Variants in CPLANE1 observed in about 807,000 individuals in gnomAD.
CPLANE1 encodes ciliogenesis and planar polarity effector 1.
Under a neutral mutation model 362.5 loss-of-function variants are expected in CPLANE1, and 263 were observed. That is an observed-to-expected ratio of 0.73 (90% confidence interval 0.66 to 0.80). The LOEUF (loss-of-function observed/expected upper bound fraction) is 0.80. CPLANE1 is among the 30% of genes least tolerant of loss of function. The probability of loss-of-function intolerance (pLI) is 0.00; values close to 1 mark genes in which losing one functional copy is unlikely to be tolerated. For synonymous variants in CPLANE1, 1,212 were observed against 1,302.6 expected (o/e 0.93, Z 1.50); for missense variants, 3,461 against 3,793.4 (o/e 0.91, Z 2.30).
intron 5 of CPLANE1, among the ~76,000 whole-genome samples, chr5:37,244,096 C>T (rs1218243425): frequency 6.6e-6 from 1 of 151,880 alleles, no homozygotes; most frequent in Middle Eastern, 3.2e-3. Flanking sequence ...GTGATCCACC[C>T]GCCTCAGCCT....
At chr5:37,221,096 T>C (rs1795255100) in intron 15 of CPLANE1, among the ~76,000 whole-genome samples, 1 of 152,178 alleles carries the variant, frequency 6.6e-6, no homozygotes, top group Non-Finnish European at 1.5e-5. Flanking sequence ...CAACATAATA[T>C]ACTTAATCAC....
rs951318943 is a variant in CPLANE1, at chr5:37,212,013, T to C, written c.2920+1546A>G. On this transcript the variant is annotated intron_variant, in intron 16 of 52. Transcript: ENST00000651892. ...AGAACAAAAGGAAGAAGAAAAAATA[T>C]GGGAACAGCAAGTGAAAGAACGAAA... is the stretch of plus-strand genomic sequence containing the variant. 14 of 982,528 alleles carry C rather than the reference T, an allele frequency of 1.4e-5. No individual in the cohort carries two copies. The Admixed American group carries it at 1.9e-4, about 13-fold the overall frequency. The allele number at this position is 982,528 out of a possible 1,614,324, so 60.9% of individuals were successfully genotyped here.
intron 21 of CPLANE1, among the ~76,000 whole-genome samples, chr5:37,189,433 C>CGGG (rs1047677379): frequency 3.2e-4 from 48 of 152,030 alleles, no homozygotes; most frequent in South Asian, 4.2e-4. Flanking sequence ...TAGATTCTGC[C>CGGG]GGGGGAGCAC....
At chr5:37,217,838 G>C (rs1794462938) in intron 15 of CPLANE1, among the ~76,000 whole-genome samples, 1 of 151,608 alleles carries the variant, frequency 6.6e-6, no homozygotes, top group Non-Finnish European at 1.5e-5. Context: ...AAATTAGCCA[G>C]GTGTGGTGGC....
chr5:37,190,425 C>CA lies in CPLANE1; in HGVS notation c.3812-2584dup, dbSNP rs202165711. Among the ~76,000 whole-genome samples the CA allele has an allele frequency of 2.0e-5, 3 of 146,802 alleles. No homozygotes were observed. The East Asian group carries it at 6.0e-4, about 29-fold the overall frequency. On this transcript the variant is annotated intron_variant, in intron 21 of 52. Coordinates refer to ENST00000651892, the MANE Select transcript of CPLANE1 (RefSeq NM_001384732.1). ...TTTATGAAAAAATGAAAAAAAAAAACAAAAAAACCAGGCCTGGTGGTGCAC... is the reference window on the plus strand; with the variant it reads ...TTTATGAAAAAATGAAAAAAAAAAACAAAAAAAACCAGGCCTGGTGGTGCAC...
At chr5:37,155,434 G>A (rs1406827195) in intron 41 of CPLANE1, among the ~76,000 whole-genome samples, 1 of 152,146 alleles carries the variant, frequency 6.6e-6, no homozygotes, top group African/African-American at 2.4e-5. Context: ...GAGTGCAGTG[G>A]TGAGATCTTG....
chr5:37,189,898 C>T (rs1302552794), intron 21 of CPLANE1, among the ~76,000 whole-genome samples: 2 of 151,840 alleles, frequency 1.3e-5, no homozygotes, highest in Admixed American at 1.3e-4. Flanking sequence ...ACTTGGGAGG[C>T]TGAGGCAGAA....
At chr5:37,140,153 C>T in intron 44 of CPLANE1, 1 of 877,578 alleles carries the variant, frequency 1.1e-6, no homozygotes, top group Non-Finnish European at 1.4e-6. Context: ...CTATATGTTT[C>T]ATTCTAAATG....
rs1174907463 is a variant in CPLANE1, at chr5:37,153,906, C to T, written c.8207G>A (p.Gly2736Asp). ...EDYLLWKRLQ[G>D]VSAACPAPSS... ...TGGTGCAGGGCAAGCTGCAGAGACA[C>T]CTTGCAGCCGTTTCCACAATAGATA... Residue 2736 changes from glycine (G) to aspartate (D), a missense_variant, in exon 42 of 53, where the codon GGT (glycine) becomes GAT (aspartate). Transcript: ENST00000651892. 6.2e-7 allele frequency: 1 copy of T among 1,613,956 alleles called. No individual in the cohort carries two copies. The highest frequency in any genetic ancestry group is 8.5e-7 in the Non-Finnish European group (1 of 1,180,018).
At position 37,169,420 on chromosome 5, in the gene CPLANE1, T is replaced by C. The variant is rs764806035; in HGVS notation, c.6604A>G (p.Thr2202Ala). 1 of 1,614,224 alleles carries C rather than the reference T, an allele frequency of 6.2e-7. No individual in the cohort carries two copies. Among genetic ancestry groups the C allele is most frequent in the Non-Finnish European group, 8.5e-7 (1 of 1,180,036 alleles). The change falls in exon 34 of 53, where the codon ACA becomes GCA. Residue 2202 changes from threonine to alanine, a missense_variant. Around this residue, in one of 2 missense-constraint regions of CPLANE1, gnomAD observed 3,380 missense variants for 3,666.1 expected, o/e 0.92. Transcript: ENST00000651892. Reference protein sequence around the residue: ...AGNTHLYLLSTPSVVQKAPRL... With the variant: ...AGNTHLYLLSAPSVVQKAPRL... The stretch of plus-strand genomic sequence containing the variant: ...GGTGCCTTCTGAACAACAGAAGGTG[T>C]GGACAAAAGGTAGAGGTGAGTATTT...
chr5:37,149,165 G>C (rs1424649910), intron 42 of CPLANE1, among the ~76,000 whole-genome samples: 1 of 151,990 alleles, frequency 6.6e-6, no homozygotes, highest in Non-Finnish European at 1.5e-5. Context: ...CTTTTCCCTG[G>C]GAGATATGTT....
intron 42 of CPLANE1, among the ~76,000 whole-genome samples, 181 bp from the exon 43 acceptor site, chr5:37,148,449 GC>G (rs1185357530): frequency 1.3e-5 from 2 of 152,184 alleles, no homozygotes; most frequent in African/African-American, 4.8e-5. Context: ...CTTATTTGTA[GC>G]TTAACTGAGT....
chr5:37,247,864 CT>C (rs1740292876), intron 1 of CPLANE1, 119 bp from the exon 2 acceptor site: 1 of 624,802 alleles, frequency 1.6e-6, no homozygotes, highest in African/African-American at 1.9e-5. Flanking sequence ...GTGATATGAT[CT>C]CAGCTCACTG....
In CPLANE1 at chr5:37,108,693, A is replaced by G. The variant is rs193285745; in HGVS notation, c.9401-222T>C. ...CCAGCCTTTGGATTTGAAAACTATTAGTAATTAATCTTTAAGACAAGAAAA... is the reference window on the plus strand; with the variant it reads ...CCAGCCTTTGGATTTGAAAACTATTGGTAATTAATCTTTAAGACAAGAAAA... On this transcript the variant is annotated intron_variant, in intron 51 of 52. Transcript: ENST00000651892. Among the ~76,000 whole-genome samples, 9 of 152,354 alleles carry G rather than the reference A, an allele frequency of 5.9e-5. No individual in the cohort carries two copies. The East Asian group carries it at 1.5e-3, about 26-fold the overall frequency.
At chr5:37,208,827 T>C (rs1791677937) in intron 16 of CPLANE1, among the ~76,000 whole-genome samples, 1 of 152,118 alleles carries the variant, frequency 6.6e-6, no homozygotes, top group Non-Finnish European at 1.5e-5. Flanking sequence ...TTGATATATC[T>C]TGTTTATATA....
intron 8 of CPLANE1, among the ~76,000 whole-genome samples, chr5:37,231,346 G>A (rs1163644180): frequency 1.3e-5 from 2 of 152,128 alleles, no homozygotes; most frequent in Admixed American, 6.5e-5. Flanking sequence ...TTGGGAGGCC[G>A]AGGCAGGCGG....
In CPLANE1 at chr5:37,173,774, T is replaced by C. The variant is rs1780429979; in HGVS notation, c.6152A>G (p.Glu2051Gly). The change falls in exon 32 of 53, where the codon GAA (glutamate) becomes GGA (glycine). Residue 2051 changes from glutamate (E) to glycine (G), a missense_variant. Transcript: ENST00000651892. The stretch of plus-strand genomic sequence containing the variant: ...GCTTACCTGAACTAATTTAAACATT[T>C]CATCTTGCAGCATCTGCCTAACGGA... The part of the protein sequence containing the change: ...SESVRQMLQD[E>G]MFKLVQLQQI... 6.2e-7 allele frequency: 1 copy of C among 1,614,034 alleles called. No individual in the cohort carries two copies. Among genetic ancestry groups the C allele is most frequent in the African/African-American group, 1.3e-5 (1 of 74,928 alleles).
rs972649629 is a variant in CPLANE1, at chr5:37,247,560, G to A, written c.81+58C>T. 2.1e-6 allele frequency: 3 copies of A among 1,432,082 alleles called. No homozygotes were observed. In the African/African-American group the frequency reaches 4.3e-5, roughly 21 times the overall value. The allele number at this position is 1,432,082 out of a possible 1,614,324, so 88.7% of individuals were successfully genotyped here. A position where few individuals can be genotyped will look rare whatever the true frequency, so the allele number is the denominator to read the frequency against. ...ATCATAGAACACTCCTATATTACAG[G>A]CAAAACACACATATAACATATATAA... On this transcript the variant is annotated intron_variant, in intron 2 of 52. Coordinates refer to ENST00000651892, the MANE Select transcript of CPLANE1 (RefSeq NM_001384732.1).
intron 32 of CPLANE1, among the ~76,000 whole-genome samples, chr5:37,170,895 C>T (rs1321542396): frequency 6.6e-6 from 1 of 152,200 alleles, no homozygotes; most frequent in Non-Finnish European, 1.5e-5. Flanking sequence ...AAGATCGTGC[C>T]ACTGCACTCC....
Sources: gnomAD v4.1 joint callset for allele counts (sites outside exome capture counted in the v4.1 genomes callset) on GRCh38, gnomAD v4.1.1 for gene constraint, gnomAD v4.1.1 regional missense constraint, MANE v1.5 for transcripts, NCBI Gene and HGNC (gene_info 2026-07-23, HGNC 2026-07-21) for gene names.